The following TMEM132E variants were observed in gnomAD, a reference collection of about 807,000 sequenced individuals.
TMEM132E encodes the protein transmembrane protein 132E.
Under a neutral mutation model 78.5 loss-of-function variants are expected in TMEM132E, and 49 were observed. That is an observed-to-expected ratio of 0.62 (90% CI 0.50 to 0.79). The LOEUF (loss-of-function observed/expected upper bound fraction) is 0.79. TMEM132E is among the 30% of genes least tolerant of loss of function. The pLI is 0.00. For missense variants in TMEM132E, 1,403 were observed against 1,470.9 expected (o/e 0.95, Z 0.75); for synonymous variants, 715 against 670.6 (o/e 1.07, Z -1.02).
intron 1 of TMEM132E, among the ~76,000 whole-genome samples, chr17:34,594,433 A>T (rs1731112556): frequency 6.6e-6 from 1 of 152,202 alleles, no homozygotes; most frequent in African/African-American, 2.4e-5. Flanking sequence ...TATTGCTTAA[A>T]TTCTCTGTGG....
At chr17:34,629,670 C>CT (rs1368730207) in intron 4 of TMEM132E, among the ~76,000 whole-genome samples, 2 of 152,108 alleles carry the variant, frequency 1.3e-5, no homozygotes, top group Non-Finnish European at 2.9e-5. Flanking sequence ...CCCAGGGCAG[C>CT]TTGAATAGCC....
chr17:34,612,469 C>A (rs1481512630), intron 1 of TMEM132E, among the ~76,000 whole-genome samples: 1 of 152,166 alleles, frequency 6.6e-6, no homozygotes, highest in Non-Finnish European at 1.5e-5. Flanking sequence ...CGGCAGAGCC[C>A]CCACTCAGAG....
At chr17:34,617,471 C>T (rs1906820701) in intron 1 of TMEM132E, among the ~76,000 whole-genome samples, 1 of 152,198 alleles carries the variant, frequency 6.6e-6, no homozygotes, top group Admixed American at 6.5e-5. Context: ...GCACTTCCCT[C>T]CTCTCAGAAC....
intron 1 of TMEM132E, among the ~76,000 whole-genome samples, chr17:34,586,148 C>T (rs1159545884): frequency 6.6e-6 from 1 of 152,176 alleles, no homozygotes; most frequent in Admixed American, 6.5e-5. Flanking sequence ...ACGCCTCTCT[C>T]CCCTGATTCC....
rs532498503 is a variant in TMEM132E, at chr17:34,586,137, C to A, written c.67+4994C>A. 7.9e-5 allele frequency among the ~76,000 whole-genome samples: 12 copies of A among 152,286 alleles called. No individual in the cohort carries two copies. In the South Asian group the frequency reaches 2.5e-3, roughly 32 times the overall value. On this transcript the variant is annotated intron_variant, in intron 1 of 8. Coordinates refer to ENST00000631683, the MANE Select transcript of TMEM132E (RefSeq NM_001304438.2). ...GAGCACACGCCTCTCTCCCCAAGCA[C>A]ACGCCTCTCTCCCCTGATTCCTGCA...
At chr17:34,608,425 G>A (rs1906487933) in intron 1 of TMEM132E, among the ~76,000 whole-genome samples, 1 of 152,222 alleles carries the variant, frequency 6.6e-6, no homozygotes, top group East Asian at 1.9e-4. Flanking sequence ...GAAGACGGAT[G>A]CATATTCTCA....
rs1211110660 is a variant in TMEM132E at position 34,626,833 on chromosome 17, C to T, written c.774C>T (p.Ala258=). ...GGGGGGCCGGGCCCGGGGTGGGGGC[C>T]CGAGCGGAAAGCCCTACCCAGCACC... ...SRRGAGPGVG[A]RAESPTQHPL... The change falls in exon 2 of 9, where the codon GCC becomes GCT. Residue 258 remains alanine, a synonymous_variant. Transcript: ENST00000631683. 1 of 1,563,960 alleles carries T rather than the reference C, an allele frequency of 6.4e-7. No homozygotes were observed. The highest frequency in any genetic ancestry group is 1.8e-5 in the Admixed American group (1 of 54,594).
chr17:34,617,897 A>C (rs1234321558), intron 1 of TMEM132E, among the ~76,000 whole-genome samples: 2 of 152,264 alleles, frequency 1.3e-5, no homozygotes, highest in Non-Finnish European at 2.9e-5. Context: ...ATAAAAACAT[A>C]AAGTAAAATA....
chr17:34,615,693 T>A (rs73988739), intron 1 of TMEM132E, among the ~76,000 whole-genome samples: 1,700 of 151,994 alleles, frequency 0.011, 27 homozygotes, highest in African/African-American at 0.039. Context: ...GTCTCCACCC[T>A]TAGCGGCAGG....
At chr17:34,591,699 G>A (rs1405139158) in intron 1 of TMEM132E, among the ~76,000 whole-genome samples, 1 of 152,228 alleles carries the variant, frequency 6.6e-6, no homozygotes, top group Non-Finnish European at 1.5e-5. Flanking sequence ...ATCCACACAG[G>A]TGTCACTGTC....
At chr17:34,633,208 A>T (rs977995457) in intron 6 of TMEM132E, among the ~76,000 whole-genome samples, 4 of 152,230 alleles carry the variant, frequency 2.6e-5, no homozygotes, top group Non-Finnish European at 5.9e-5. Context: ...GCAGGGAATC[A>T]AGTGGCACAA....
At chr17:34,632,349 G>T (rs376866894) in intron 5 of TMEM132E, among the ~76,000 whole-genome samples, 4 of 152,200 alleles carry the variant, frequency 2.6e-5, no homozygotes, top group African/African-American at 9.7e-5. Flanking sequence ...CCAGAGCCCC[G>T]TCAGTCTTGC....
chr17:34,627,132 TG>T, intron 2 of TMEM132E, 75 bp downstream of exon 2: 4 of 609,250 alleles, frequency 6.6e-6, no homozygotes, highest in East Asian at 3.8e-5. Context: ...GTGGGTGGGT[TG>T]GGGGGTGGGG....
At chr17:34,602,413 G>C (rs1285599063) in intron 1 of TMEM132E, among the ~76,000 whole-genome samples, 1 of 152,234 alleles carries the variant, frequency 6.6e-6, no homozygotes. Flanking sequence ...GATCCCAGGA[G>C]CTGAAGAGGA....
intron 1 of TMEM132E, among the ~76,000 whole-genome samples, chr17:34,587,273 A>G (rs977760912): frequency 2.0e-5 from 3 of 152,176 alleles, no homozygotes; most frequent in Non-Finnish European, 4.4e-5. Flanking sequence ...CTCCCCAGGA[A>G]CACAGCCCTG....
chr17:34,600,059 G>T (rs1906186194), intron 1 of TMEM132E, among the ~76,000 whole-genome samples: 1 of 152,192 alleles, frequency 6.6e-6, no homozygotes, highest in Non-Finnish European at 1.5e-5. Flanking sequence ...TGGAAGATAG[G>T]TATGTCCTAT....
At position 34,636,002 on chromosome 17, in the gene TMEM132E, C is replaced by A; in HGVS notation, c.1978-5C>A. The stretch of plus-strand genomic sequence containing the variant: ...CTCTCCCACCCCGGTCCCGCTCTGC[C>A]TCAGGTGGTGTCTCCGCTGACGGAG... On this transcript the variant is annotated splice_region_variant and splice_polypyrimidine_tract_variant and intron_variant, in intron 7 of 8. Transcript: ENST00000631683. The A allele has an allele frequency of 6.9e-7, 1 of 1,457,734 alleles. No individual in the cohort carries two copies. Among genetic ancestry groups the A allele is most frequent in the South Asian group, 1.5e-5 (1 of 68,022 alleles). 90.3% of individuals were successfully genotyped at this position (1,457,734 alleles called of 1,614,324 possible). A position where few individuals can be genotyped will look rare whatever the true frequency, so the allele number is the denominator to read the frequency against.
At chr17:34,596,321 C>T (rs1280755728) in intron 1 of TMEM132E, among the ~76,000 whole-genome samples, 1 of 152,128 alleles carries the variant, frequency 6.6e-6, no homozygotes, top group Non-Finnish European at 1.5e-5. Context: ...ATCATGATTC[C>T]CATTATGTGG....
chr17:34,585,382 C>T (rs1409118395), intron 1 of TMEM132E, among the ~76,000 whole-genome samples: 1 of 152,168 alleles, frequency 6.6e-6, no homozygotes, highest in Non-Finnish European at 1.5e-5. Flanking sequence ...GAAACTGAAA[C>T]CCTGAGAGGC....
Sources: allele counts gnomAD v4.1 joint callset (sites outside exome capture counted in the v4.1 genomes callset), GRCh38; gene constraint gnomAD v4.1.1; transcripts MANE v1.5; gene names NCBI Gene and HGNC (gene_info 2026-07-23, HGNC 2026-07-21).